TRIM43: variants seen among roughly 807,000 people sequenced by gnomAD.
TRIM43 encodes the protein tripartite motif containing 43, also known as tripartite motif-containing protein 43.
In TRIM43, 12 loss-of-function variants were observed where a neutral mutation model predicts 27.7. The ratio of observed to expected loss-of-function variants is 0.43; its 90% CI spans 0.28 to 0.70. The LOEUF (loss-of-function observed/expected upper bound fraction) is 0.70, where lower values mean the gene tolerates loss of function less well. Among genes scored for constraint, TRIM43 ranks in the 30% least tolerant of loss-of-function variants. The pLI, the probability that TRIM43 is intolerant of heterozygous loss-of-function variation, is 0.17. For missense variants in TRIM43, 186 were observed against 356.5 expected (o/e 0.52, Z 3.85); for synonymous variants, 64 against 121.9 (o/e 0.52, Z 3.13).
At chr2:95,595,905 A>C (rs1685348192) in intron 3 of TRIM43, among the ~76,000 whole-genome samples, 1 of 151,550 alleles carries the variant, frequency 6.6e-6, no homozygotes, top group South Asian at 2.1e-4. Flanking sequence ...TTGAAACAAC[A>C]ACCTAAGTGA....
At position 95,599,558 on chromosome 2, in the gene TRIM43, C is replaced by CA. The variant is rs1685370003; in HGVS notation, c.1327dup (p.Thr443AsnfsTer39). ...CTTTTCCTGTCAGGCCTTTCTTTTACACTGGCCACAGATGATCAGGATTAA... is the reference window on the plus strand; with the variant it reads ...CTTTTCCTGTCAGGCCTTTCTTTTACAACTGGCCACAGATGATCAGGATTAA... On this transcript the variant is annotated frameshift_variant, in exon 7 of 7. Transcript: ENST00000272395. LOFTEE classifies it high-confidence loss of function. 7.6e-7 allele frequency: 1 copy of CA among 1,310,584 alleles called. No homozygotes were observed. The allele number at this position is 1,310,584 out of a possible 1,614,324, so 81.2% of individuals were successfully genotyped here. A position where few individuals can be genotyped will look rare whatever the true frequency, so the allele number is the denominator to read the frequency against.
Position 95,595,148 on chromosome 2 carries a change from A to T in TRIM43, c.507+3A>T. ...GAAGAACAGCCTTCCTCTGGAGGGT[A>T]AGTATGAGACCGTGAGTCCTCCTGA... On this transcript the variant is annotated splice_donor_region_variant and intron_variant, in intron 3 of 6. Transcript: ENST00000272395. 1.2e-6 allele frequency: 2 copies of T among 1,610,042 alleles called. No individual in the cohort carries two copies. Among genetic ancestry groups the T allele is most frequent in the South Asian group, 2.2e-5 (2 of 90,540 alleles).
chr2:95,593,636 T>C (rs1250989080), intron 1 of TRIM43, among the ~76,000 whole-genome samples: 9 of 151,856 alleles, frequency 5.9e-5, no homozygotes, highest in South Asian at 2.1e-4. Context: ...CTTTCCTTCT[T>C]TAAACCAATC....
chr2:95,596,151 G>A, intron 3 of TRIM43, 51 bp from the exon 4 acceptor site: 1 of 1,597,476 alleles, frequency 6.3e-7, no homozygotes, highest in Non-Finnish European at 8.5e-7. Flanking sequence ...TAGGCTCTGT[G>A]AGGTGGAAGT....
At chr2:95,592,241 TA>T (rs1462256571) in intron 1 of TRIM43, 92 bp downstream of exon 1, 8 of 151,900 alleles carry the variant, frequency 5.3e-5, no homozygotes, top group Admixed American at 3.9e-4. Flanking sequence ...AAACTTAGAT[TA>T]TTTTTAGATG....
chr2:95,594,946 T>C lies in TRIM43; in HGVS notation c.412-104T>C, dbSNP rs1452401819. The C allele has an allele frequency of 3.2e-6, 4 of 1,239,132 alleles. No homozygotes were observed. In the African/African-American group the frequency reaches 4.6e-5, roughly 14 times the overall value. 76.8% of individuals were successfully genotyped at this position (1,239,132 alleles called of 1,614,324 possible). On this transcript the variant is annotated intron_variant, in intron 2 of 6. Coordinates refer to ENST00000272395, the MANE Select transcript of TRIM43 (RefSeq NM_138800.3). ...TGAAAAATTTTGTTTTTTTCTCCTCTCACTAATGTATTTATATATTATCCC... is the reference window on the plus strand; with the variant it reads ...TGAAAAATTTTGTTTTTTTCTCCTCCCACTAATGTATTTATATATTATCCC...
At chr2:95,593,896 A>G in intron 1 of TRIM43, 124 bp from the exon 2 acceptor site, 1 of 1,514,388 alleles carries the variant, frequency 6.6e-7, no homozygotes, top group South Asian at 1.4e-5. Context: ...CTGTCATTGC[A>G]GATTAAAGCC....
intron 2 of TRIM43, 47 bp from the exon 3 acceptor site, chr2:95,595,003 C>G (rs147066303): frequency 6.3e-7 from 1 of 1,585,362 alleles, no homozygotes; most frequent in South Asian, 1.1e-5. Context: ...ATTGTGGAAT[C>G]TTTGGCATTT....
At chr2:95,594,468 G>C (rs181392142) in intron 2 of TRIM43, 34 bp downstream of exon 2, 16 of 1,598,142 alleles carry the variant, frequency 1.0e-5, no homozygotes, top group Non-Finnish European at 1.3e-5. Flanking sequence ...CTGAAAGCTG[G>C]AGGGTGGCAG....
chr2:95,595,327 T>G (rs1319092764), intron 3 of TRIM43, among the ~76,000 whole-genome samples, 182 bp downstream of exon 3: 1 of 151,696 alleles, frequency 6.6e-6, no homozygotes, highest in Non-Finnish European at 1.5e-5. Flanking sequence ...GCTTTTCAGA[T>G]AAGTAAAAAA....
intron 1 of TRIM43, among the ~76,000 whole-genome samples, chr2:95,593,066 T>G (rs1430921744): frequency 1.3e-5 from 2 of 151,460 alleles, no homozygotes; most frequent in Non-Finnish European, 2.9e-5. Context: ...CCGGCTAATT[T>G]TTTGTATTTT....
At chr2:95,593,999 C>T in intron 1 of TRIM43, 21 bp from the exon 2 acceptor site, 1 of 1,588,870 alleles carries the variant, frequency 6.3e-7, no homozygotes, top group Non-Finnish European at 8.5e-7. Flanking sequence ...AGATTAAATT[C>T]CTGTGGTTTT....
At chr2:95,592,432 G>A (rs929932949) in intron 1 of TRIM43, among the ~76,000 whole-genome samples, 1 of 151,566 alleles carries the variant, frequency 6.6e-6, no homozygotes, top group African/African-American at 2.4e-5. Flanking sequence ...GTGCAGCGGC[G>A]CTCTTGGCTC....
At chr2:95,595,231 T>C (rs7565318) in intron 3 of TRIM43, 86 bp downstream of exon 3, 809,026 of 909,114 alleles carry the variant, frequency 0.89, 361,352 homozygotes, top group African/African-American at 0.98. Flanking sequence ...TTGAAATTCT[T>C]ATGCCAGATT....
rs149986492 is a variant in TRIM43 at position 95,596,411 on chromosome 2, A to G, written c.717A>G (p.Lys239=). The G allele has an allele frequency of 5.3e-4, 850 of 1,603,034 alleles. 42 individuals are homozygous for G. Among genetic ancestry groups the G allele is most frequent in the Non-Finnish European group, 6.8e-4 (802 of 1,173,090 alleles). The change falls in exon 4 of 7, where the codon AAA becomes AAG. Residue 239 remains lysine, a synonymous_variant. Coordinates refer to ENST00000272395, the MANE Select transcript of TRIM43 (RefSeq NM_138800.3). The stretch of plus-strand genomic sequence containing the variant: ...AGGAACTAATGGAAATGTGTCATAA[A>G]CCAGATGTGGAGCTGCTCCAGGTAA... The part of the protein sequence containing the change: ...MYQELMEMCH[K]PDVELLQDLG...
rs748410474 is a variant in TRIM43, at chr2:95,594,374, C to T, written c.351C>T (p.Asn117=). ...DKSLLCLLCS[N]SQEHGAHKHH... is the part of the protein sequence containing the mutation. ...GTCTCCTCTGCTTGCTGTGCTCCAA[C>T]TCTCAGGAGCACGGGGCTCACAAAC... The change falls in exon 2 of 7, where the codon AAC becomes AAT. Residue 117 remains asparagine (N), a synonymous_variant. Transcript: ENST00000272395. 37 of 1,610,752 alleles carry T rather than the reference C, an allele frequency of 2.3e-5. No homozygotes were observed. Among genetic ancestry groups the T allele is most frequent in the Admixed American group, 1.7e-4 (10 of 59,942 alleles).
chr2:95,594,968 T>A, intron 2 of TRIM43, 82 bp from the exon 3 acceptor site: 1 of 1,434,040 alleles, frequency 7.0e-7, no homozygotes, highest in Non-Finnish European at 9.5e-7. Flanking sequence ...TTATATATTA[T>A]CCCTTGCCTG....
rs1305272294 is a variant in TRIM43, at chr2:95,592,032, C to T, written c.-122C>T. ...CTCCAGAGCCCACAGAGTAGCTTTG[C>T]AACTGGCTTTGGGGACTTCCGAAAG... On this transcript the variant is annotated 5_prime_UTR_variant, in exon 1 of 7. Coordinates refer to ENST00000272395, the MANE Select transcript of TRIM43 (RefSeq NM_138800.3). The T allele has an allele frequency of 1.3e-5, 2 of 151,346 alleles. No homozygotes were observed. Among genetic ancestry groups the T allele is most frequent in the East Asian group, 1.9e-4 (1 of 5,176 alleles). 9.4% of individuals were successfully genotyped at this position (151,346 alleles called of 1,614,324 possible).
chr2:95,593,736 A>G (rs1303171979), intron 1 of TRIM43, among the ~76,000 whole-genome samples: 1 of 151,820 alleles, frequency 6.6e-6, no homozygotes, highest in African/African-American at 2.4e-5. Flanking sequence ...AGCCCAAGCA[A>G]TTTGGTGGAT....
Sources: allele counts gnomAD v4.1 joint callset (sites outside exome capture counted in the v4.1 genomes callset), GRCh38; gene constraint gnomAD v4.1.1; transcripts MANE v1.5; gene names NCBI Gene and HGNC (gene_info 2026-07-23, HGNC 2026-07-21).